The following CCDC85A variants were observed in gnomAD, a reference collection of about 807,000 sequenced individuals.
The protein encoded by CCDC85A is coiled-coil domain containing 85A, also known as coiled-coil domain-containing protein 85A.
A neutral mutation model predicts 50.2 loss-of-function variants in CCDC85A; 38 were observed. The ratio of observed to expected loss-of-function variants is 0.76; its 90% CI spans 0.58 to 0.99. CCDC85A has a LOEUF of 0.99. Among genes scored for constraint, CCDC85A ranks in the 50% least tolerant of loss-of-function variants. The pLI, the probability that CCDC85A is intolerant of heterozygous loss-of-function variation, is 0.00. For missense variants in CCDC85A, 820 were observed against 742.0 expected, an observed-to-expected ratio of 1.11 and a Z score of -1.22; for synonymous variants, 366 against 301.4, an observed-to-expected ratio of 1.21 and a Z score of -2.22.
intron 2 of CCDC85A, among the ~76,000 whole-genome samples, chr2:56,195,772 C>G (rs1676497907): frequency 6.6e-6 from 1 of 152,076 alleles, no homozygotes; most frequent in Admixed American, 6.5e-5. Context: ...CAGAGTCATT[C>G]TGCTTGGGGT....
intron 2 of CCDC85A, among the ~76,000 whole-genome samples, chr2:56,245,609 G>A (rs953674616): frequency 6.6e-6 from 1 of 152,184 alleles, no homozygotes; most frequent in Non-Finnish European, 1.5e-5. Context: ...ACTGGTGGAG[G>A]CTTCTATTTG....
chr2:56,262,711 G>T (rs1003787468), intron 2 of CCDC85A, among the ~76,000 whole-genome samples: 4 of 152,156 alleles, frequency 2.6e-5, no homozygotes, highest in African/African-American at 9.7e-5. Context: ...TCAGTTTAAG[G>T]CAGAGTATTG....
At chr2:56,330,870 T>G (rs1673754930) in intron 2 of CCDC85A, among the ~76,000 whole-genome samples, 1 of 152,160 alleles carries the variant, frequency 6.6e-6, no homozygotes, top group Non-Finnish European at 1.5e-5. Context: ...TCCCACTACT[T>G]GGTATCTCCC....
chr2:56,196,630 A>T (rs373510167), intron 2 of CCDC85A, among the ~76,000 whole-genome samples: 3 of 152,208 alleles, frequency 2.0e-5, no homozygotes, highest in Admixed American at 2.0e-4. Flanking sequence ...AGCTCAGGTC[A>T]TGGATGTCTT....
chr2:56,306,074 C>G (rs1573219464), intron 2 of CCDC85A, among the ~76,000 whole-genome samples: 1 of 152,158 alleles, frequency 6.6e-6, no homozygotes, highest in African/African-American at 2.4e-5. Context: ...ATGAATATAA[C>G]AGGAAGGCTG....
intron 2 of CCDC85A, among the ~76,000 whole-genome samples, chr2:56,241,888 T>A (rs1175029322): frequency 6.6e-6 from 1 of 152,172 alleles, no homozygotes; most frequent in Non-Finnish European, 1.5e-5. Context: ...TTTTTAGTTA[T>A]TTTGAGGAAC....
At chr2:56,188,273 A>G (rs1039541725) in intron 1 of CCDC85A, among the ~76,000 whole-genome samples, 4 of 152,256 alleles carry the variant, frequency 2.6e-5, no homozygotes, top group Non-Finnish European at 4.4e-5. Flanking sequence ...GGCAAAGGAA[A>G]TAGCTCAGAA....
At chr2:56,305,235 A>G (rs1672390532) in intron 2 of CCDC85A, among the ~76,000 whole-genome samples, 1 of 152,348 alleles carries the variant, frequency 6.6e-6, no homozygotes, top group Non-Finnish European at 1.5e-5. Flanking sequence ...AGATGAATAC[A>G]TATGTTTACT....
Position 56,384,375 on chromosome 2 carries a change from A to G in CCDC85A, c.*20A>G, listed in dbSNP as rs1179905488. 1.9e-6 allele frequency: 3 copies of G among 1,592,928 alleles called. No homozygotes were observed. Among genetic ancestry groups the G allele is most frequent in the Non-Finnish European group, 2.6e-6 (3 of 1,163,208 alleles). On this transcript the variant is annotated 3_prime_UTR_variant, in exon 6 of 6. Transcript: ENST00000407595. ...ATGTGAGATGCACTCTTTTTCAAAC[A>G]GGAGATCACCACTGCCAGAAAGTGA...
intron 2 of CCDC85A, among the ~76,000 whole-genome samples, chr2:56,277,414 A>T (rs775898196): frequency 7.0e-6 from 1 of 142,444 alleles, no homozygotes; most frequent in Admixed American, 6.9e-5. Context: ...TTCCACAGAG[A>T]TCCTGCATGG....
At chr2:56,204,061 A>C (rs1269765598) in intron 2 of CCDC85A, among the ~76,000 whole-genome samples, 1 of 152,146 alleles carries the variant, frequency 6.6e-6, no homozygotes, top group East Asian at 1.9e-4. Flanking sequence ...TAGAATAGAA[A>C]TTTTTCTGAG....
chr2:56,335,892 G>A (rs746020624), intron 2 of CCDC85A, among the ~76,000 whole-genome samples: 1 of 152,006 alleles, frequency 6.6e-6, no homozygotes, highest in African/African-American at 2.4e-5. Context: ...GAGCCACTGC[G>A]CCTGACCCAA....
At chr2:56,373,507 C>T (rs1168739223) in intron 4 of CCDC85A, among the ~76,000 whole-genome samples, 1 of 152,054 alleles carries the variant, frequency 6.6e-6, no homozygotes, top group Non-Finnish European at 1.5e-5. Flanking sequence ...TAGAAGTTCT[C>T]TGAAACCAAA....
chr2:56,193,578 A>G, intron 2 of CCDC85A, 138 bp downstream of exon 2: 1 of 908,768 alleles, frequency 1.1e-6, no homozygotes, highest in Non-Finnish European at 1.6e-6. Flanking sequence ...CAAATGTTGG[A>G]CCCAAAATCA....
chr2:56,333,451 A>G (rs1271252723), intron 2 of CCDC85A, among the ~76,000 whole-genome samples: 2 of 152,206 alleles, frequency 1.3e-5, no homozygotes, highest in Non-Finnish European at 1.5e-5. Context: ...GTCAGAGAGA[A>G]AACAGTCAGA....
intron 5 of CCDC85A, among the ~76,000 whole-genome samples, chr2:56,383,943 G>T (rs1171831387): frequency 6.6e-6 from 1 of 151,744 alleles, no homozygotes; most frequent in Non-Finnish European, 1.5e-5. Context: ...TCAAGGATGG[G>T]GATTACTGTT....
At chr2:56,232,226 C>A (rs777303659) in intron 2 of CCDC85A, among the ~76,000 whole-genome samples, 8 of 152,234 alleles carry the variant, frequency 5.3e-5, no homozygotes, top group Non-Finnish European at 8.8e-5. Flanking sequence ...TACTAGGATA[C>A]CTAATTGGCA....
chr2:56,299,265 G>A (rs1375205324), intron 2 of CCDC85A, among the ~76,000 whole-genome samples: 1 of 152,148 alleles, frequency 6.6e-6, no homozygotes, highest in African/African-American at 2.4e-5. Flanking sequence ...TGGGTAGCTT[G>A]TTTTCAGGAC....
At chr2:56,332,289 G>C (rs1673844967) in intron 2 of CCDC85A, among the ~76,000 whole-genome samples, 1 of 152,066 alleles carries the variant, frequency 6.6e-6, no homozygotes, top group Non-Finnish European at 1.5e-5. Flanking sequence ...GTCCTTTTGG[G>C]CTGATACAAC....
Sources: allele counts gnomAD v4.1 joint callset (sites outside exome capture counted in the v4.1 genomes callset), GRCh38; gene constraint gnomAD v4.1.1; transcripts MANE v1.5; gene names NCBI Gene and HGNC (gene_info 2026-07-23, HGNC 2026-07-21).